The following STRBP variants were observed in gnomAD, a reference collection of about 807,000 sequenced individuals.
STRBP encodes the protein spermatid perinuclear RNA binding protein.
STRBP carries 13 observed loss-of-function variants against 80.1 expected under a neutral mutation model. That is an observed-to-expected ratio of 0.16 (90% confidence interval 0.11 to 0.26). The LOEUF (loss-of-function observed/expected upper bound fraction) is 0.26. Ranked by LOEUF, STRBP falls within the 10% of genes least tolerant of loss-of-function variation. STRBP has a pLI of 1.00. For missense variants in STRBP, 485 were observed against 815.2 expected (o/e 0.59, Z 4.93); for synonymous variants, 284 against 291.2 (o/e 0.98, Z 0.25).
At chr9:123,188,490 A>G (rs1424708438) in intron 2 of STRBP, among the ~76,000 whole-genome samples, 1 of 151,982 alleles carries the variant, frequency 6.6e-6, no homozygotes, top group Non-Finnish European at 1.5e-5. Flanking sequence ...AAAATACAAA[A>G]AATTGGCCAG....
At chr9:123,207,378 T>C (rs1005558872) in intron 2 of STRBP, among the ~76,000 whole-genome samples, 3 of 152,122 alleles carry the variant, frequency 2.0e-5, no homozygotes, top group Non-Finnish European at 4.4e-5. Flanking sequence ...AAAAACAAAG[T>C]TGGAGGAAAA....
Position 123,122,152 on chromosome 9 carries a change from TTGAC to T in STRBP, c.*3441_*3444del, listed in dbSNP as rs1222890989. The T allele has an allele frequency of 2.1e-5, 7 of 326,476 alleles. No individual in the cohort carries two copies. The highest frequency in any genetic ancestry group is 8.8e-5 in the African/African-American group (4 of 45,518). The allele number at this position is 326,476 out of a possible 1,614,324, so 20.2% of individuals were successfully genotyped here. ...TTGTCATATATGCATGTTGTCTTAA[TTGAC>T]TATTTTTCTCTTTAATCAGAAAATA... On this transcript the variant is annotated 3_prime_UTR_variant, in exon 19 of 19. Coordinates refer to ENST00000348403, the MANE Select transcript of STRBP (RefSeq NM_018387.5).
At position 123,123,852 on chromosome 9, in the gene STRBP, A is replaced by G. The variant is rs2035805513; in HGVS notation, c.*1745T>C. ...TTCTTCTCAGTGATGGCTCTGTTTC[A>G]TCCATAGGTCAGCAAAACGCATCAA... On this transcript the variant is annotated 3_prime_UTR_variant, in exon 19 of 19. Transcript: ENST00000348403. 1 of 985,326 alleles carries G rather than the reference A, an allele frequency of 1.0e-6. No homozygotes were observed. Among genetic ancestry groups the G allele is most frequent in the African/African-American group, 1.7e-5 (1 of 57,238 alleles). The allele number at this position is 985,326 out of a possible 1,614,324, so 61.0% of individuals were successfully genotyped here. A position where few individuals can be genotyped will look rare whatever the true frequency, so the allele number is the denominator to read the frequency against.
chr9:123,196,175 C>A (rs556165009), intron 2 of STRBP, among the ~76,000 whole-genome samples: 4 of 151,948 alleles, frequency 2.6e-5, no homozygotes, highest in African/African-American at 9.7e-5. Context: ...TATCCATATG[C>A]GAAAGAAGGA....
At chr9:123,163,916 T>A (rs1328073331) in intron 6 of STRBP, among the ~76,000 whole-genome samples, 3 of 152,164 alleles carry the variant, frequency 2.0e-5, no homozygotes, top group Non-Finnish European at 4.4e-5. Flanking sequence ...ACAATAGAAC[T>A]GTGAGCCATT....
chr9:123,154,315 C>A (rs141986020), intron 11 of STRBP, among the ~76,000 whole-genome samples: 398 of 152,208 alleles, frequency 2.6e-3, no homozygotes, highest in African/African-American at 8.5e-3. Context: ...GAATGCTGAA[C>A]AGAAAGAAGC....
At chr9:123,128,733 A>G (rs2036001459) in intron 17 of STRBP, among the ~76,000 whole-genome samples, 1 of 152,254 alleles carries the variant, frequency 6.6e-6, no homozygotes, top group Admixed American at 6.5e-5. Flanking sequence ...GAACTTTCCA[A>G]GTATCTTCAG....
intron 1 of STRBP, among the ~76,000 whole-genome samples, chr9:123,250,744 A>G (rs7870805): frequency 0.3 from 46,308 of 152,146 alleles, 14,184 homozygotes; most frequent in African/African-American, 0.76. Flanking sequence ...GATTTTCAGC[A>G]AAAGGCTTTG....
chr9:123,252,027 T>A (rs907944413), intron 1 of STRBP, among the ~76,000 whole-genome samples: 2 of 150,702 alleles, frequency 1.3e-5, no homozygotes, highest in Non-Finnish European at 2.9e-5. Context: ...TAGCACCATC[T>A]ATTTTTTTTT....
At chr9:123,203,372 A>G (rs891047741) in intron 2 of STRBP, among the ~76,000 whole-genome samples, 1 of 151,992 alleles carries the variant, frequency 6.6e-6, no homozygotes, top group Admixed American at 6.6e-5. Context: ...AAAAGAATCT[A>G]AATTACGTAA....
chr9:123,262,659 T>C (rs1037529173), intron 1 of STRBP, among the ~76,000 whole-genome samples: 4 of 152,224 alleles, frequency 2.6e-5, no homozygotes, highest in Admixed American at 1.3e-4. Context: ...CAGCGCTAGT[T>C]ATGTCAGAAG....
At chr9:123,242,427 G>A (rs535898701) in intron 1 of STRBP, among the ~76,000 whole-genome samples, 2 of 152,286 alleles carry the variant, frequency 1.3e-5, no homozygotes, top group South Asian at 4.1e-4. Context: ...CAGAGGCCAA[G>A]GTGGGCAGAT....
intron 11 of STRBP, among the ~76,000 whole-genome samples, chr9:123,153,191 A>ATT (rs781272627): frequency 1.3e-3 from 180 of 141,120 alleles, no homozygotes; most frequent in African/African-American, 4.3e-3. Flanking sequence ...TTCTAGACTC[A>ATT]TTTTTTTTTT....
downstream of STRBP, among the ~76,000 whole-genome samples, chr9:123,118,167 G>A (rs977477465): frequency 1.3e-5 from 2 of 152,174 alleles, no homozygotes; most frequent in Non-Finnish European, 2.9e-5. Flanking sequence ...AGTTTCTTTT[G>A]TAAACTAAGG....
chr9:123,152,258 T>C (rs967010059), intron 11 of STRBP, among the ~76,000 whole-genome samples: 63 of 152,050 alleles, frequency 4.1e-4, no homozygotes, highest in African/African-American at 1.2e-3. Flanking sequence ...TTCCAAACAA[T>C]AGAAAAAGAA....
At chr9:123,240,353 T>A (rs1022391382) in intron 1 of STRBP, among the ~76,000 whole-genome samples, 12 of 152,284 alleles carry the variant, frequency 7.9e-5, no homozygotes, top group African/African-American at 2.9e-4. Flanking sequence ...AATCTAGAGA[T>A]CCTGCATTTT....
chr9:123,122,931 G>A lies in STRBP; in HGVS notation c.*2666C>T. ...GTACAGATATTGCTAGGTTTCCAAA[G>A]GAAAAGTTTTAAAACAGACACCGTG... On this transcript the variant is annotated 3_prime_UTR_variant, in exon 19 of 19. Coordinates refer to ENST00000348403, the MANE Select transcript of STRBP (RefSeq NM_018387.5). 1 of 985,464 alleles carries A rather than the reference G, an allele frequency of 1.0e-6. No homozygotes were observed. The highest frequency in any genetic ancestry group is 1.7e-5 in the African/African-American group (1 of 57,354). The allele number at this position is 985,464 out of a possible 1,614,324, so 61.0% of individuals were successfully genotyped here. A position where few individuals can be genotyped will look rare whatever the true frequency, so the allele number is the denominator to read the frequency against.
At chr9:123,131,941 T>G (rs1473093054) in intron 17 of STRBP, among the ~76,000 whole-genome samples, 1 of 152,220 alleles carries the variant, frequency 6.6e-6, no homozygotes, top group Non-Finnish European at 1.5e-5. Context: ...TAAGACCCAA[T>G]CTTCATGACA....
intron 3 of STRBP, among the ~76,000 whole-genome samples, chr9:123,181,392 C>T (rs1426053773): frequency 6.6e-6 from 1 of 152,206 alleles, no homozygotes; most frequent in Non-Finnish European, 1.5e-5. Flanking sequence ...CGTATTGCTA[C>T]ATTACATAAA....
Sources: allele counts gnomAD v4.1 joint callset (sites outside exome capture counted in the v4.1 genomes callset), GRCh38; gene constraint gnomAD v4.1.1; transcripts MANE v1.5; gene names NCBI Gene and HGNC (gene_info 2026-07-23, HGNC 2026-07-21).